SOCS2: variants seen among roughly 807,000 people sequenced by gnomAD.
SOCS2 encodes the protein CIS-2.
A neutral mutation model predicts 18.6 loss-of-function variants in SOCS2; 10 were observed. That is an observed-to-expected ratio of 0.54 (90% confidence interval 0.33 to 0.91). SOCS2 has a LOEUF of 0.91. Among genes scored for constraint, SOCS2 ranks in the 40% least tolerant of loss-of-function variants. SOCS2 has a pLI of 0.02. For missense variants in SOCS2, 231 were observed against 247.2 expected, an observed-to-expected ratio of 0.93 and a Z score of 0.44; for synonymous variants, 104 against 104.0, an observed-to-expected ratio of 1.00 and a Z score of 0.00.
At chr12:93,593,226 C>A in the SOCS2 span, among the ~76,000 whole-genome samples, 13 of 152,096 alleles carry the variant, frequency 8.5e-5, no homozygotes, top group African/African-American at 3.1e-4. Flanking sequence ...TCACGCTGAC[C>A]CGACTCTATA....
chr12:93,619,106 C>A, the SOCS2 span, among the ~76,000 whole-genome samples: 1 of 152,330 alleles, frequency 6.6e-6, no homozygotes, highest in African/African-American at 2.4e-5. Context: ...GCTATCCCCA[C>A]CGGTAGAACT....
chr12:93,601,976 A>G, the SOCS2 span, among the ~76,000 whole-genome samples: 5 of 152,256 alleles, frequency 3.3e-5, no homozygotes, highest in African/African-American at 1.2e-4. Flanking sequence ...GATGACCATC[A>G]GCATGTACAG....
chr12:93,618,179 G>T, the SOCS2 span, among the ~76,000 whole-genome samples: 1 of 152,106 alleles, frequency 6.6e-6, no homozygotes, highest in Non-Finnish European at 1.5e-5. Flanking sequence ...CGCCATGATT[G>T]TAAGTTTCCT....
downstream of SOCS2, among the ~76,000 whole-genome samples, chr12:93,577,429 C>T (rs554857689): frequency 8.3e-4 from 126 of 152,098 alleles, no homozygotes; most frequent in African/African-American, 2.9e-3. Flanking sequence ...ATTTAATTTT[C>T]CCAAGAACGA....
the SOCS2 span, among the ~76,000 whole-genome samples, chr12:93,616,685 G>C: frequency 6.6e-6 from 1 of 152,126 alleles, no homozygotes; most frequent in African/African-American, 2.4e-5. Context: ...AATGGGCGGG[G>C]GTATGTGTGC....
the SOCS2 span, among the ~76,000 whole-genome samples, chr12:93,597,193 G>T: frequency 6.6e-6 from 1 of 152,102 alleles, no homozygotes; most frequent in Non-Finnish European, 1.5e-5. Context: ...GTAGATTGGC[G>T]TAACCACCAC....
chr12:93,607,695 G>GT, the SOCS2 span, among the ~76,000 whole-genome samples: 1 of 152,182 alleles, frequency 6.6e-6, no homozygotes, highest in African/African-American at 2.4e-5. Flanking sequence ...TAATGCAATA[G>GT]TTGAAACTTC....
the SOCS2 span, among the ~76,000 whole-genome samples, chr12:93,618,627 G>T: frequency 6.6e-6 from 1 of 152,164 alleles, no homozygotes; most frequent in Non-Finnish European, 1.5e-5. Context: ...GCCTAAAATA[G>T]AAGTCTCCCA....
the SOCS2 span, among the ~76,000 whole-genome samples, chr12:93,598,802 C>T: frequency 6.6e-6 from 1 of 152,172 alleles, no homozygotes; most frequent in Non-Finnish European, 1.5e-5. Flanking sequence ...AGCATCCTTA[C>T]ATAGAGAGGT....
chr12:93,625,795 A>G, the SOCS2 span, among the ~76,000 whole-genome samples: 2 of 151,516 alleles, frequency 1.3e-5, no homozygotes, highest in African/African-American at 2.4e-5. Flanking sequence ...ATAATTCCAT[A>G]TCATTACTAT....
chr12:93,589,509 A>C, the SOCS2 span, among the ~76,000 whole-genome samples: 1 of 152,188 alleles, frequency 6.6e-6, no homozygotes, highest in East Asian at 1.9e-4. Context: ...TTAAGCCAGA[A>C]ATTGAGAATA....
the SOCS2 span, among the ~76,000 whole-genome samples, chr12:93,599,840 A>G: frequency 6.6e-6 from 1 of 152,228 alleles, no homozygotes; most frequent in Non-Finnish European, 1.5e-5. Flanking sequence ...CCCTTGCCAG[A>G]TGCTGGCACC....
chr12:93,598,373 A>C, the SOCS2 span, among the ~76,000 whole-genome samples: 6 of 152,100 alleles, frequency 3.9e-5, no homozygotes, highest in Non-Finnish European at 8.8e-5. Flanking sequence ...GAAGGACCAA[A>C]GAGATGGCAC....
upstream of SOCS2, chr12:93,571,883 A>AGGCGGC (rs747978490): frequency 2.5e-6 from 1 of 403,242 alleles, no homozygotes; most frequent in Non-Finnish European, 4.8e-6. Context: ...CCTGGTGCGG[A>AGGCGGC]GGCGGCGGCG....
At chr12:93,573,266 T>G in intron 1 of SOCS2, 1 of 600,438 alleles carries the variant, frequency 1.7e-6, no homozygotes, top group Non-Finnish European at 2.9e-6. Flanking sequence ...AAGAGCTTCT[T>G]GGAAATAGCT....
At chr12:93,614,465 T>TC in the SOCS2 span, among the ~76,000 whole-genome samples, 11 of 94,804 alleles carry the variant, frequency 1.2e-4, no homozygotes, top group Admixed American at 2.3e-4. Flanking sequence ...CTTCCTTCCT[T>TC]CCTTCCTTCC....
intron 1 of SOCS2, 38 bp from the exon 2 acceptor site, chr12:93,574,684 T>C: frequency 7.0e-7 from 1 of 1,423,110 alleles, no homozygotes; most frequent in Non-Finnish European, 9.6e-7. Context: ...ATAACTGTTT[T>C]ACCCTCTTTT....
At chr12:93,578,887 G>A (rs933287526), downstream of SOCS2, among the ~76,000 whole-genome samples, 2 of 152,054 alleles carry the variant, frequency 1.3e-5, no homozygotes, top group Non-Finnish European at 1.5e-5. Context: ...TTCTTCCGCT[G>A]GGATTCAGAA....
chr12:93,618,549 C>T, the SOCS2 span, among the ~76,000 whole-genome samples: 2 of 152,132 alleles, frequency 1.3e-5, no homozygotes, highest in Non-Finnish European at 2.9e-5. Context: ...GCCCCACTGG[C>T]CTCTTTTCAT....
Sources: allele counts gnomAD v4.1 joint callset (sites outside exome capture counted in the v4.1 genomes callset), GRCh38; gene constraint gnomAD v4.1.1; transcripts MANE v1.5; gene names NCBI Gene and HGNC (gene_info 2026-07-23, HGNC 2026-07-21).